The following PRICKLE2 variants were observed in gnomAD, a reference collection of about 807,000 sequenced individuals.
PRICKLE2 encodes prickle planar cell polarity protein 2.
PRICKLE2 carries 21 observed loss-of-function variants against 81.4 expected under a neutral mutation model. The observed-to-expected ratio is 0.26, with a 90% CI of 0.18 to 0.37. The LOEUF is 0.37. Among genes scored for constraint, PRICKLE2 ranks in the 10% least tolerant of loss-of-function variants. The pLI, the probability that PRICKLE2 is intolerant of heterozygous loss-of-function variation, is 1.00. For missense variants in PRICKLE2, 940 were observed against 1,109.0 expected, an observed-to-expected ratio of 0.85 and a Z score of 2.16; for synonymous variants, 456 against 421.5, an observed-to-expected ratio of 1.08 and a Z score of -1.00.
chr3:64,095,747 G>A lies in PRICKLE2; in HGVS notation c.*3304C>T, dbSNP rs754278594. On this transcript the variant is annotated 3_prime_UTR_variant, in exon 8 of 8. Transcript: ENST00000638394. ...GAAACACAAAATTGCTCATTTGCTC[G>A]ACTGGTTGGGGGTAGAAAGGAAGGA... 1 of 152,162 alleles carries A rather than the reference G, an allele frequency of 6.6e-6. No homozygotes were observed. The highest frequency in any genetic ancestry group is 2.4e-5 in the African/African-American group (1 of 41,432). The allele number at this position is 152,162 out of a possible 1,614,324, so 9.4% of individuals were successfully genotyped here. A position where few individuals can be genotyped will look rare whatever the true frequency, so the allele number is the denominator to read the frequency against.
chr3:64,256,823 T>C (rs1222962083), intron 2 of PRICKLE2, among the ~76,000 whole-genome samples: 1 of 152,164 alleles, frequency 6.6e-6, no homozygotes, highest in Non-Finnish European at 1.5e-5. Flanking sequence ...ACACTTAGAA[T>C]GCACTGTCTC....
chr3:64,127,672 C>A (rs146859506), intron 7 of PRICKLE2, among the ~76,000 whole-genome samples: 2 of 152,010 alleles, frequency 1.3e-5, no homozygotes, highest in Non-Finnish European at 2.9e-5. Flanking sequence ...AAGACTGTAC[C>A]CAGCGTCCAT....
intron 7 of PRICKLE2, among the ~76,000 whole-genome samples, chr3:64,115,042 T>A (rs2076913027): frequency 6.6e-6 from 1 of 152,158 alleles, no homozygotes; most frequent in African/African-American, 2.4e-5. Context: ...TGGGGGCCAA[T>A]ATTCAACATT....
intron 2 of PRICKLE2, among the ~76,000 whole-genome samples, chr3:64,188,706 A>T (rs766838488): frequency 6.6e-5 from 10 of 152,240 alleles, no homozygotes; most frequent in African/African-American, 2.4e-4. Flanking sequence ...CTGTGTTTCA[A>T]ATCAGGCCCC....
chr3:64,124,969 C>G (rs2077084608), intron 7 of PRICKLE2, among the ~76,000 whole-genome samples: 1 of 152,118 alleles, frequency 6.6e-6, no homozygotes, highest in African/African-American at 2.4e-5. Flanking sequence ...TCTGATGGAT[C>G]TGGGCAAAAT....
chr3:64,233,936 T>C (rs755247616), intron 2 of PRICKLE2, among the ~76,000 whole-genome samples: 1 of 152,244 alleles, frequency 6.6e-6, no homozygotes, highest in Non-Finnish European at 1.5e-5. Flanking sequence ...ATATAATATG[T>C]GGCCCTTTGT....
At chr3:64,257,583 C>T (rs989190207) in intron 2 of PRICKLE2, among the ~76,000 whole-genome samples, 1 of 152,096 alleles carries the variant, frequency 6.6e-6, no homozygotes. Context: ...GGTGTTTACT[C>T]CTTCAAAATT....
chr3:64,246,097 T>C (rs563577252), intron 2 of PRICKLE2, among the ~76,000 whole-genome samples: 83 of 151,934 alleles, frequency 5.5e-4, no homozygotes, highest in African/African-American at 1.8e-3. Flanking sequence ...CAAAAATTAG[T>C]CCGGTGTAGT....
chr3:64,264,828 G>C (rs1390737137), intron 2 of PRICKLE2, among the ~76,000 whole-genome samples: 1 of 152,206 alleles, frequency 6.6e-6, no homozygotes, highest in Non-Finnish European at 1.5e-5. Flanking sequence ...GCTCCCTGTG[G>C]ATTGGCATCT....
chr3:64,188,304 A>G (rs1289520565), intron 2 of PRICKLE2, among the ~76,000 whole-genome samples: 1 of 152,220 alleles, frequency 6.6e-6, no homozygotes, highest in African/African-American at 2.4e-5. Flanking sequence ...TGAGATGCCC[A>G]AGGTTACAGA....
intron 2 of PRICKLE2, among the ~76,000 whole-genome samples, chr3:64,258,853 G>GA (rs1270616013): frequency 1.6e-4 from 19 of 120,488 alleles, no homozygotes; most frequent in Middle Eastern, 7.6e-3. Context: ...AAAAAAGAAA[G>GA]AAAGAAAGAA....
At chr3:64,114,513 T>A (rs910774833) in intron 7 of PRICKLE2, among the ~76,000 whole-genome samples, 1 of 151,710 alleles carries the variant, frequency 6.6e-6, no homozygotes, top group Non-Finnish European at 1.5e-5. Flanking sequence ...AAATAGCCAA[T>A]ATAGAGAAAA....
chr3:64,179,890 C>T (rs2078098121), intron 2 of PRICKLE2, among the ~76,000 whole-genome samples: 1 of 152,188 alleles, frequency 6.6e-6, no homozygotes, highest in African/African-American at 2.4e-5. Context: ...TCTATCCATT[C>T]CACCCCACTG....
intron 6 of PRICKLE2, among the ~76,000 whole-genome samples, 163 bp downstream of exon 6, chr3:64,153,019 C>T (rs1366513164): frequency 6.6e-6 from 1 of 152,178 alleles, no homozygotes; most frequent in African/African-American, 2.4e-5. Context: ...AGCTAGTATA[C>T]TTCTTGGCCT....
chr3:64,134,129 G>A (rs2077240565), intron 7 of PRICKLE2, among the ~76,000 whole-genome samples: 1 of 152,214 alleles, frequency 6.6e-6, no homozygotes, highest in Non-Finnish European at 1.5e-5. Flanking sequence ...CAGCCCCACT[G>A]CAGCAGACAT....
chr3:64,242,943 G>C (rs1310790131), intron 2 of PRICKLE2, among the ~76,000 whole-genome samples: 3 of 152,238 alleles, frequency 2.0e-5, no homozygotes, highest in Non-Finnish European at 4.4e-5. Flanking sequence ...TCCCAAGACA[G>C]AGAATAATTG....
intron 5 of PRICKLE2, among the ~76,000 whole-genome samples, chr3:64,155,585 T>C (rs796581083): frequency 3.9e-5 from 6 of 152,304 alleles, no homozygotes; most frequent in African/African-American, 1.4e-4. Context: ...GAAATGTTCA[T>C]AGCAGCGTTG....
At chr3:64,205,749 A>G (rs1431022902) in intron 1 of PRICKLE2, among the ~76,000 whole-genome samples, 1 of 152,198 alleles carries the variant, frequency 6.6e-6, no homozygotes, top group Non-Finnish European at 1.5e-5. Flanking sequence ...CCGCTTCTTA[A>G]TAAGAGGAAA....
At chr3:64,202,233 T>C (rs1189401072) in intron 1 of PRICKLE2, among the ~76,000 whole-genome samples, 1 of 152,184 alleles carries the variant, frequency 6.6e-6, no homozygotes, top group Non-Finnish European at 1.5e-5. Context: ...TCCCTTGCAT[T>C]TGCATTCATA....
Sources: gnomAD v4.1 joint callset for allele counts (sites outside exome capture counted in the v4.1 genomes callset) on GRCh38, gnomAD v4.1.1 for gene constraint, MANE v1.5 for transcripts, NCBI Gene and HGNC (gene_info 2026-07-23, HGNC 2026-07-21) for gene names.